Variants in PRKAR1B observed in about 807,000 individuals in gnomAD.
PRKAR1B encodes the protein protein kinase cAMP-dependent type I regulatory subunit beta.
In PRKAR1B, 22 loss-of-function variants were observed where a neutral mutation model predicts 46.5. That is an observed-to-expected ratio of 0.47 (90% CI 0.34 to 0.68). PRKAR1B has a LOEUF of 0.68. Ranked by LOEUF, PRKAR1B falls within the 30% of genes least tolerant of loss-of-function variation. The probability of loss-of-function intolerance (pLI) is 0.01; values close to 1 mark genes in which losing one functional copy is unlikely to be tolerated. For missense variants in PRKAR1B, 445 were observed against 535.6 expected (o/e 0.83, Z 1.67); for synonymous variants, 259 against 217.7 (o/e 1.19, Z -1.67).
chr7:562,534 G>A (rs944755917), intron 9 of PRKAR1B, among the ~76,000 whole-genome samples: 4 of 152,142 alleles, frequency 2.6e-5, no homozygotes, highest in East Asian at 3.9e-4. Context: ...CCTGGAACGC[G>A]TCCCTTCCAG....
chr7:576,022 T>C (rs35295447), intron 9 of PRKAR1B, among the ~76,000 whole-genome samples: 12,875 of 128,490 alleles, frequency 0.1, 586 homozygotes, highest in East Asian at 0.17. Context: ...TGGGTGTGCA[T>C]GCTGGCATCC....
chr7:631,535 C>G (rs974969182), intron 4 of PRKAR1B, among the ~76,000 whole-genome samples: 1 of 152,162 alleles, frequency 6.6e-6, no homozygotes, highest in African/African-American at 2.4e-5. Context: ...CACACACAGC[C>G]CGAGGGGGAG....
At chr7:717,509 T>C (rs1780923305) in intron 1 of PRKAR1B, among the ~76,000 whole-genome samples, 1 of 151,398 alleles carries the variant, frequency 6.6e-6, no homozygotes, top group Admixed American at 6.6e-5. Flanking sequence ...AATACAAAAA[T>C]TAGCCAGGCA....
intron 2 of PRKAR1B, chr7:691,679 T>C (rs1779435848): frequency 7.8e-7 from 1 of 1,289,358 alleles, no homozygotes; most frequent in African/African-American, 1.5e-5. Context: ...AACCCAGTGC[T>C]GTGACCTCAC....
chr7:615,315 C>T (rs1349787952), intron 4 of PRKAR1B, among the ~76,000 whole-genome samples: 3 of 151,770 alleles, frequency 2.0e-5, no homozygotes, highest in African/African-American at 4.8e-5. Context: ...ATCCCAGCTA[C>T]CCGGGAGGCT....
At chr7:629,050 G>A (rs999503588) in intron 4 of PRKAR1B, among the ~76,000 whole-genome samples, 3 of 152,336 alleles carry the variant, frequency 2.0e-5, no homozygotes, top group Admixed American at 6.5e-5. Flanking sequence ...CATTACAGCC[G>A]ATGGTGACAG....
At chr7:643,520 C>T (rs774303693) in intron 4 of PRKAR1B, among the ~76,000 whole-genome samples, 1 of 151,206 alleles carries the variant, frequency 6.6e-6, no homozygotes, top group Non-Finnish European at 1.5e-5. Flanking sequence ...GTTGGGAGTT[C>T]GAGACCAGTC....
At chr7:566,061 G>C (rs558734025) in intron 9 of PRKAR1B, among the ~76,000 whole-genome samples, 9 of 152,056 alleles carry the variant, frequency 5.9e-5, no homozygotes, top group African/African-American at 2.2e-4. Context: ...TCAGAGACTC[G>C]TAAGGATTAA....
intron 4 of PRKAR1B, among the ~76,000 whole-genome samples, chr7:670,490 C>T (rs1786177244): frequency 6.8e-6 from 1 of 147,854 alleles, no homozygotes; most frequent in African/African-American, 2.6e-5. Flanking sequence ...GCCACAGCGT[C>T]CAGCAGAGGG....
intron 7 of PRKAR1B, among the ~76,000 whole-genome samples, chr7:592,929 G>A (rs534332508): frequency 2.4e-4 from 36 of 152,322 alleles, no homozygotes; most frequent in African/African-American, 8.7e-4. Flanking sequence ...CCAGCTACTC[G>A]GGAGGCTGAG....
At position 583,592 on chromosome 7, in the gene PRKAR1B, A is replaced by G. The variant is rs1410464194; in HGVS notation, c.769+916T>C. On this transcript the variant is annotated intron_variant, in intron 8 of 10. Coordinates refer to ENST00000537384, the MANE Select transcript of PRKAR1B (RefSeq NM_001164760.2). Reference sequence around the variant, plus strand: ...CATGCACACACACTTGCACACTCCCAGGTGCACACACACCCCCTCACACGT... The same window carrying G: ...CATGCACACACACTTGCACACTCCCGGGTGCACACACACCCCCTCACACGT... 4.6e-5 allele frequency among the ~76,000 whole-genome samples: 3 copies of G among 65,734 alleles called. 1 individual carries two copies. The highest frequency in any genetic ancestry group is 7.1e-5 in the African/African-American group (1 of 14,122). The allele number at this position is 65,734 out of a possible 152,430, so 43.1% of individuals were successfully genotyped here.
At chr7:604,507 C>T (rs1781878874) in intron 6 of PRKAR1B, among the ~76,000 whole-genome samples, 1 of 152,220 alleles carries the variant, frequency 6.6e-6, no homozygotes, top group South Asian at 2.1e-4. Flanking sequence ...CGGCTCAGGA[C>T]AGAGCACACC....
chr7:577,560 C>T (rs1779931296), intron 9 of PRKAR1B, among the ~76,000 whole-genome samples: 1 of 152,076 alleles, frequency 6.6e-6, no homozygotes, highest in African/African-American at 2.4e-5. Flanking sequence ...TCACTCATTC[C>T]TGCCCGGGGC....
At chr7:579,026 C>T (rs1780026561) in intron 9 of PRKAR1B, 1 of 985,436 alleles carries the variant, frequency 1.0e-6, no homozygotes, top group Non-Finnish European at 1.2e-6. Flanking sequence ...GCACCAGCCA[C>T]CTACCTTTCT....
At chr7:623,134 A>T (rs1783199710) in intron 4 of PRKAR1B, among the ~76,000 whole-genome samples, 1 of 152,156 alleles carries the variant, frequency 6.6e-6, no homozygotes, top group Non-Finnish European at 1.5e-5. Flanking sequence ...AGCCTCTTCC[A>T]CTGTTTAGGT....
chr7:672,946 G>A (rs979983875), intron 4 of PRKAR1B, among the ~76,000 whole-genome samples: 4 of 149,668 alleles, frequency 2.7e-5, no homozygotes, highest in African/African-American at 9.8e-5. Context: ...TCAGGAAGTT[G>A]AGGTAGGAGA....
At chr7:633,189 T>C (rs1583329722) in intron 4 of PRKAR1B, among the ~76,000 whole-genome samples, 1 of 152,306 alleles carries the variant, frequency 6.6e-6, no homozygotes, top group East Asian at 1.9e-4. Context: ...CAGGACATGA[T>C]GTCAAATGAA....
chr7:718,793 C>A (rs543837009), intron 1 of PRKAR1B, among the ~76,000 whole-genome samples: 35 of 151,364 alleles, frequency 2.3e-4, no homozygotes, highest in Non-Finnish European at 4.4e-4. Flanking sequence ...ATATCCCTGA[C>A]CTTTTCTCTT....
chr7:685,888 A>T (rs921469437), intron 2 of PRKAR1B, among the ~76,000 whole-genome samples: 3 of 152,220 alleles, frequency 2.0e-5, no homozygotes, highest in African/African-American at 7.2e-5. Flanking sequence ...TTTTTTAAAA[A>T]ATATATAAAT....
Sources: gnomAD v4.1 joint callset for allele counts (sites outside exome capture counted in the v4.1 genomes callset) on GRCh38, gnomAD v4.1.1 for gene constraint, MANE v1.5 for transcripts, NCBI Gene and HGNC (gene_info 2026-07-23, HGNC 2026-07-21) for gene names.